Variants in VWA5B1 observed in about 807,000 individuals in gnomAD.
The protein encoded by VWA5B1 is von Willebrand factor A domain containing 5B1, also known as von Willebrand factor A domain-containing protein 5B1.
In VWA5B1, 115 loss-of-function variants were observed where a neutral mutation model predicts 118.2. The ratio of observed to expected loss-of-function variants is 0.97; its 90% CI spans 0.84 to 1.14. The LOEUF (loss-of-function observed/expected upper bound fraction) is 1.14, where lower values mean the gene tolerates loss of function less well. Among genes scored for constraint, VWA5B1 ranks in the 50% most tolerant of loss-of-function variants. VWA5B1 has a pLI of 0.00. For synonymous variants in VWA5B1, 682 were observed against 658.4 expected (o/e 1.04, Z -0.55); for missense variants, 1,596 against 1,603.8 (o/e 1.00, Z 0.08).
chr1:20,310,462 G>A (rs2088812826), intron 1 of VWA5B1, 114 bp from the exon 2 acceptor site: 11 of 1,090,078 alleles, frequency 1.0e-5, no homozygotes, highest in South Asian at 2.1e-5. Context: ...AAGTTCTTGG[G>A]GAAAATGAAA....
chr1:20,330,413 G>A, intron 10 of VWA5B1, 31 bp downstream of exon 10: 2 of 1,549,368 alleles, frequency 1.3e-6, no homozygotes, highest in Non-Finnish European at 1.7e-6. Flanking sequence ...TAGGCTCGGT[G>A]ACTCCAGGCT....
chr1:20,333,792 G>C (rs1443691896), intron 12 of VWA5B1, among the ~76,000 whole-genome samples: 2 of 152,218 alleles, frequency 1.3e-5, no homozygotes, highest in Non-Finnish European at 2.9e-5. Context: ...TGCCAAAGAA[G>C]CTGTTTCCTC....
intron 16 of VWA5B1, 25 bp from the exon 17 acceptor site, chr1:20,345,431 G>GT: frequency 6.4e-7 from 1 of 1,550,618 alleles, no homozygotes; most frequent in South Asian, 1.2e-5. Flanking sequence ...AGTCCAAACA[G>GT]TGACCCCAGT....
chr1:20,337,785 C>T lies in VWA5B1; in HGVS notation c.2082C>T (p.Asp694=). Residue 694 remains aspartate, a synonymous_variant, in exon 14 of 22, where the codon GAC becomes GAT. Transcript: ENST00000289815. ...RYPLRKARLQ[D]LTNQTSLDVQ... ...CACTGCGGAAAGCCAGGCTGCAGGA[C>T]CTCACCAACCAGACCAGCCTGGATG... 1 of 1,551,818 alleles carries T rather than the reference C, an allele frequency of 6.4e-7. No homozygotes were observed. Among genetic ancestry groups the T allele is most frequent in the Non-Finnish European group, 8.7e-7 (1 of 1,147,018 alleles).
rs765082578 is a variant in VWA5B1 at position 20,336,337 on chromosome 1, A to T, written c.1793A>T (p.Gln598Leu). ...CGCCGGTACAGCATGCTGCACTCTC[A>T]GGAGTCTGGCAGCTCTGTCTTCTAC... ...KRRRYSMLHS[Q>L]ESGSSVFYHS... is the part of the protein sequence containing the mutation. Residue 598 changes from glutamine to leucine, a missense_variant, in exon 13 of 22, where the codon CAG (glutamine) becomes CTG (leucine). Physicochemically the swap from Gln to Leu is moderately radical, Grantham distance 113. Transcript: ENST00000289815. The T allele has an allele frequency of 6.6e-7, 1 of 1,517,270 alleles. No individual in the cohort carries two copies. The highest frequency in any genetic ancestry group is 1.3e-5 in the South Asian group (1 of 75,992). The allele number at this position is 1,517,270 out of a possible 1,614,324, so 94.0% of individuals were successfully genotyped here. A position where few individuals can be genotyped will look rare whatever the true frequency, so the allele number is the denominator to read the frequency against.
chr1:20,342,362 C>G, intron 14 of VWA5B1, 70 bp from the exon 15 acceptor site: 11 of 1,478,664 alleles, frequency 7.4e-6, no homozygotes, highest in Non-Finnish European at 1.0e-5. Context: ...AGGAGCTCTT[C>G]CTCCTCCTTC....
At chr1:20,308,168 G>A (rs12409834) in intron 1 of VWA5B1, among the ~76,000 whole-genome samples, 34,683 of 152,158 alleles carry the variant, frequency 0.23, 4,498 homozygotes, top group East Asian at 0.4. Flanking sequence ...TTAGGCTAAT[G>A]GCCTCCAGCT....
intron 9 of VWA5B1, among the ~76,000 whole-genome samples, chr1:20,329,707 C>A (rs1345607698): frequency 6.6e-6 from 1 of 152,084 alleles, no homozygotes; most frequent in Non-Finnish European, 1.5e-5. Context: ...CAGTTGGGAC[C>A]CACACAGTTG....
chr1:20,340,212 C>A (rs1020174451), intron 14 of VWA5B1, among the ~76,000 whole-genome samples: 1 of 151,922 alleles, frequency 6.6e-6, no homozygotes, highest in Non-Finnish European at 1.5e-5. Flanking sequence ...CACACACACA[C>A]ACACACACTC....
chr1:20,341,665 A>G (rs1251887780), intron 14 of VWA5B1, among the ~76,000 whole-genome samples: 2 of 152,220 alleles, frequency 1.3e-5, no homozygotes, highest in East Asian at 1.9e-4. Flanking sequence ...GATTTATGAA[A>G]GCTTCTTGAA....
chr1:20,299,639 A>C (rs1361044546), intron 1 of VWA5B1, among the ~76,000 whole-genome samples: 2 of 152,300 alleles, frequency 1.3e-5, no homozygotes, highest in East Asian at 3.9e-4. Flanking sequence ...CCTGAACTTA[A>C]GCGATCCACG....
rs1553198060 is a variant in VWA5B1, at chr1:20,321,129, A to AAC, written c.966+1623_966+1624insAC. Among the ~76,000 whole-genome samples, 292 of 150,910 alleles carry AAC rather than the reference A, an allele frequency of 1.9e-3. 3 individuals carry two copies. The highest frequency in any genetic ancestry group is 4.0e-3 in the Non-Finnish European group (269 of 67,636). On this transcript the variant is annotated intron_variant, in intron 7 of 21. Coordinates refer to ENST00000289815, the MANE Select transcript of VWA5B1 (RefSeq NM_001039500.3). ...TAACAGAGGCAAAAAAAAAAAAAAA[A>AAC]CACGAAAAGATGCACACACAGGTCA...
chr1:20,299,919 G>A (rs746672564), intron 1 of VWA5B1, among the ~76,000 whole-genome samples: 5 of 152,206 alleles, frequency 3.3e-5, no homozygotes, highest in East Asian at 1.9e-4. Context: ...GGGGTTTGCC[G>A]CAGTTGGTGT....
intron 8 of VWA5B1, 29 bp from the exon 9 acceptor site, chr1:20,327,861 A>G: frequency 6.5e-7 from 1 of 1,539,592 alleles, no homozygotes; most frequent in Non-Finnish European, 8.8e-7. Flanking sequence ...TCCTTCCTGA[A>G]TCCTGAAAAC....
chr1:20,334,711 T>C (rs560767562), intron 12 of VWA5B1, among the ~76,000 whole-genome samples: 4 of 152,026 alleles, frequency 2.6e-5, no homozygotes, highest in African/African-American at 9.7e-5. Context: ...CTCGGGAGGC[T>C]GAGGCAGGAG....
intron 1 of VWA5B1, among the ~76,000 whole-genome samples, chr1:20,292,226 A>T (rs2088323655): frequency 7.0e-6 from 1 of 142,392 alleles, no homozygotes; most frequent in Middle Eastern, 3.2e-3. Context: ...AGACTTAGGA[A>T]GTAAGTCTTC....
At chr1:20,302,479 G>C (rs1228478764) in intron 1 of VWA5B1, among the ~76,000 whole-genome samples, 1 of 152,210 alleles carries the variant, frequency 6.6e-6, no homozygotes, top group Admixed American at 6.5e-5. Flanking sequence ...ACACTGAGGA[G>C]AGACAGAGTC....
chr1:20,310,780 C>T, intron 2 of VWA5B1, 40 bp downstream of exon 2: 1 of 1,490,548 alleles, frequency 6.7e-7, no homozygotes, highest in South Asian at 1.4e-5. Flanking sequence ...ACCACCCCCT[C>T]CTCCACAGTG....
At chr1:20,297,682 C>T (rs1439050102) in intron 1 of VWA5B1, among the ~76,000 whole-genome samples, 2 of 152,210 alleles carry the variant, frequency 1.3e-5, no homozygotes, top group East Asian at 3.9e-4. Flanking sequence ...ACAACTAGCA[C>T]TCAGTGCTGA....
Sources: gnomAD v4.1 joint callset for allele counts (sites outside exome capture counted in the v4.1 genomes callset) on GRCh38, gnomAD v4.1.1 for gene constraint, MANE v1.5 for transcripts, NCBI Gene and HGNC (gene_info 2026-07-23, HGNC 2026-07-21) for gene names.